The following CAMTA1 variants were observed in gnomAD, a reference collection of about 807,000 sequenced individuals.
CAMTA1 encodes the protein calmodulin-binding transcription activator 1.
In CAMTA1, 27 loss-of-function variants were observed where a neutral mutation model predicts 170.9. The ratio of observed to expected loss-of-function variants is 0.16; its 90% CI spans 0.12 to 0.22. The LOEUF (loss-of-function observed/expected upper bound fraction) is 0.22. Among genes scored for constraint, CAMTA1 ranks in the 10% least tolerant of loss-of-function variants. The probability of loss-of-function intolerance (pLI) is 1.00; values close to 1 mark genes in which losing one functional copy is unlikely to be tolerated. For synonymous variants in CAMTA1, 833 were observed against 891.5 expected (o/e 0.93, Z 1.17); for missense variants, 1,619 against 2,217.2 (o/e 0.73, Z 5.42).
At chr1:7,418,657 A>G (rs1271496756) in intron 5 of CAMTA1, among the ~76,000 whole-genome samples, 2 of 152,142 alleles carry the variant, frequency 1.3e-5, no homozygotes, top group Non-Finnish European at 2.9e-5. Context: ...GCTGTCCAAC[A>G]AGTGTCTCAA....
chr1:7,538,138 G>A (rs1402210813), intron 6 of CAMTA1, among the ~76,000 whole-genome samples: 1 of 152,320 alleles, frequency 6.6e-6, no homozygotes, highest in East Asian at 1.9e-4. Flanking sequence ...AGCTCTCTAG[G>A]GGGAAAAGCC....
chr1:7,209,924 C>G (rs1658450574), intron 4 of CAMTA1, among the ~76,000 whole-genome samples: 1 of 152,212 alleles, frequency 6.6e-6, no homozygotes, highest in Admixed American at 6.5e-5. Context: ...AACATTTTAT[C>G]ATATCTGTCT....
chr1:6,844,883 A>T (rs1657421027), intron 3 of CAMTA1, among the ~76,000 whole-genome samples: 1 of 152,152 alleles, frequency 6.6e-6, no homozygotes, highest in Non-Finnish European at 1.5e-5. Context: ...GTTTAAGGAC[A>T]CATAAGTAAC....
chr1:7,310,680 C>CTTTCCTT, intron 5 of CAMTA1, among the ~76,000 whole-genome samples: 1 of 35,402 alleles, frequency 2.8e-5, no homozygotes, highest in African/African-American at 1.6e-4. Context: ...TCCTTTCTTT[C>CTTTCCTT]TCTCTCTCTC....
At position 7,033,588 on chromosome 1, in the gene CAMTA1, CTTTTTTTTTT is replaced by C. The variant is rs34282545; in HGVS notation, c.235-57703_235-57694del. Among the ~76,000 whole-genome samples the C allele has an allele frequency of 9.5e-5, 9 of 95,132 alleles. No individual in the cohort carries two copies. The South Asian group carries it at 1.2e-3, about 12-fold the overall frequency. 62.4% of individuals were successfully genotyped at this position (95,132 alleles called of 152,430 possible). A position where few individuals can be genotyped will look rare whatever the true frequency, so the allele number is the denominator to read the frequency against. On this transcript the variant is annotated intron_variant, in intron 3 of 22. Coordinates refer to ENST00000303635, the MANE Select transcript of CAMTA1 (RefSeq NM_015215.4). ...GTACATGTTTATTCTTGTAAATATTCTTTTTTTTTTTTTTTTTTTTTTGATACAGAGTCTC... is the reference window on the plus strand; with the variant it reads ...GTACATGTTTATTCTTGTAAATATTCTTTTTTTTTTTTGATACAGAGTCTC...
At chr1:7,464,299 A>G (rs528551829) in intron 5 of CAMTA1, among the ~76,000 whole-genome samples, 17 of 152,330 alleles carry the variant, frequency 1.1e-4, no homozygotes, top group Admixed American at 5.2e-4. Context: ...GGCTCCCTGC[A>G]GTGAAAAGCT....
chr1:7,351,402 G>A (rs557480919), intron 5 of CAMTA1, among the ~76,000 whole-genome samples: 4 of 152,252 alleles, frequency 2.6e-5, no homozygotes, highest in Non-Finnish European at 5.9e-5. Context: ...GGCAGGTGAG[G>A]CTGCTCTGCT....
At chr1:6,996,965 C>T (rs923631332) in intron 3 of CAMTA1, among the ~76,000 whole-genome samples, 1 of 152,162 alleles carries the variant, frequency 6.6e-6, no homozygotes, top group Non-Finnish European at 1.5e-5. Flanking sequence ...ATTTCCCTTA[C>T]GATTTTTTCC....
At position 7,673,360 on chromosome 1, in the gene CAMTA1, C is replaced by T. The variant is rs1228890018; in HGVS notation, c.2779+2323C>T. 6.6e-6 allele frequency among the ~76,000 whole-genome samples: 1 copy of T among 152,230 alleles called. No homozygotes were observed. The highest frequency in any genetic ancestry group is 1.9e-4 in the East Asian group (1 of 5,186). ...CTCTGAAAACTGCCTGCCAGCAGGG[C>T]GAGAGCAGTGAGTGAGAGGAGGTGT... On this transcript the variant is annotated intron_variant, in intron 10 of 22. Transcript: ENST00000303635. The surrounding 1 kb of genome is among the most constrained non-coding windows in gnomAD (Gnocchi z 4.6).
intron 3 of CAMTA1, among the ~76,000 whole-genome samples, chr1:6,851,554 A>G (rs908928484): frequency 6.6e-6 from 1 of 152,206 alleles, no homozygotes; most frequent in Non-Finnish European, 1.5e-5. Flanking sequence ...AAAAAATACT[A>G]CCAGAAATCT....
chr1:7,035,828 A>G (rs1426718219), intron 3 of CAMTA1, among the ~76,000 whole-genome samples: 1 of 152,260 alleles, frequency 6.6e-6, no homozygotes, highest in Non-Finnish European at 1.5e-5. Context: ...GAAACAATTT[A>G]AAGTTCATCA....
intron 5 of CAMTA1, among the ~76,000 whole-genome samples, chr1:7,444,784 G>T (rs1195484573): frequency 1.3e-5 from 2 of 152,188 alleles, no homozygotes; most frequent in Non-Finnish European, 2.9e-5. Flanking sequence ...TAGAAATGGG[G>T]GTTTCCCCCA....
At chr1:6,865,902 A>G (rs1557725544) in intron 3 of CAMTA1, among the ~76,000 whole-genome samples, 1 of 152,204 alleles carries the variant, frequency 6.6e-6, no homozygotes, top group Non-Finnish European at 1.5e-5. Context: ...CTGTGTAGCT[A>G]CCCCATCTTC....
intron 4 of CAMTA1, among the ~76,000 whole-genome samples, chr1:7,194,495 T>A (rs1278848267): frequency 1.3e-5 from 2 of 152,224 alleles, no homozygotes; most frequent in Non-Finnish European, 2.9e-5. Flanking sequence ...AAAAGATATA[T>A]GAGCACTGTC....
At position 7,251,086 on chromosome 1, in the gene CAMTA1, T is replaced by C. The variant is rs560128963; in HGVS notation, c.438+1460T>C. Among the ~76,000 whole-genome samples, 2 of 152,216 alleles carry C rather than the reference T, an allele frequency of 1.3e-5. No individual in the cohort carries two copies. The highest frequency in any genetic ancestry group is 3.9e-4 in the East Asian group (2 of 5,164). On this transcript the variant is annotated intron_variant, in intron 5 of 22. Coordinates refer to ENST00000303635, the MANE Select transcript of CAMTA1 (RefSeq NM_015215.4). This position sits in a 1 kb window ranked among gnomAD's most constrained non-coding sequence, Gnocchi z 5.1. ...ACGAGGCTGCTCGCACCGGGAGTAA[T>C]AGGGCTGCGGGAATTCAAACTGGAA...
rs573778859 is a variant in CAMTA1 at position 6,804,499 on chromosome 1, C to T, written c.46-15682C>T. On this transcript the variant is annotated intron_variant, in intron 1 of 22. Coordinates refer to ENST00000303635, the MANE Select transcript of CAMTA1 (RefSeq NM_015215.4). ...AAATCTGTACCCATTAGCAGCCACTCCCTGTTGCCTCCTCCTCCCGGCCCT... is the reference window on the plus strand; with the variant it reads ...AAATCTGTACCCATTAGCAGCCACTTCCTGTTGCCTCCTCCTCCCGGCCCT... 3.9e-5 allele frequency among the ~76,000 whole-genome samples: 6 copies of T among 152,222 alleles called. No homozygotes were observed. The South Asian group carries it at 1.0e-3, about 26-fold the overall frequency.
chr1:7,646,489 GAC>G (rs1396580608), intron 7 of CAMTA1, among the ~76,000 whole-genome samples: 1 of 147,918 alleles, frequency 6.8e-6, no homozygotes, highest in African/African-American at 2.5e-5. Flanking sequence ...AGGCCATGGT[GAC>G]TGTGAGGGTG....
chr1:7,510,013 CAAA>C lies in CAMTA1; in HGVS notation c.510+42122_510+42124del, dbSNP rs111430608. Among the ~76,000 whole-genome samples, 5 of 136,292 alleles carry C rather than the reference CAAA, an allele frequency of 3.7e-5. 1 individual carries two copies. The highest frequency in any genetic ancestry group is 6.3e-5 in the Non-Finnish European group (4 of 63,150). The allele number at this position is 136,292 out of a possible 152,430, so 89.4% of individuals were successfully genotyped here. Reference sequence around the variant, plus strand: ...CCTGCAAAAACAAACAAACAAACAACAAAAAAAAAAAACACTGTCCTCCGAGGC... The same window carrying C: ...CCTGCAAAAACAAACAAACAAACAACAAAAAAAAACACTGTCCTCCGAGGC... On this transcript the variant is annotated intron_variant, in intron 6 of 22. Transcript: ENST00000303635.
At chr1:6,990,143 G>C (rs1696115756) in intron 3 of CAMTA1, among the ~76,000 whole-genome samples, 1 of 152,184 alleles carries the variant, frequency 6.6e-6, no homozygotes, top group South Asian at 2.1e-4. Flanking sequence ...GTGTTATTTA[G>C]GAAGAATGGG....
Sources: gnomAD v4.1 joint callset for allele counts (sites outside exome capture counted in the v4.1 genomes callset) on GRCh38, gnomAD v4.1.1 for gene constraint, Gnocchi (gnomAD v3.1) non-coding constraint, MANE v1.5 for transcripts, NCBI Gene and HGNC (gene_info 2026-07-23, HGNC 2026-07-21) for gene names.